Variants in ABHD14A observed in about 807,000 individuals in gnomAD.
The protein encoded by ABHD14A is protein ABHD14A.
In ABHD14A, 19 loss-of-function variants were observed where a neutral mutation model predicts 27.0. The ratio of observed to expected loss-of-function variants is 0.70; its 90% CI spans 0.49 to 1.03. ABHD14A has a LOEUF of 1.03. ABHD14A is among the 50% of genes least tolerant of loss of function. ABHD14A has a pLI of 0.00. For missense variants in ABHD14A, 311 were observed against 344.6 expected, an observed-to-expected ratio of 0.90 and a Z score of 0.77; for synonymous variants, 148 against 158.8, an observed-to-expected ratio of 0.93 and a Z score of 0.51.
In ABHD14A at chr3:51,977,930, G is replaced by A. The variant is rs1400764992; in HGVS notation, c.129G>A (p.Leu43=). ...TAGCCCTGCTGGGCCTGAGTCTGCT[G>A]CTCATGCTCCTACTGTATGTGGGGC... ...SQVALLGLSL[L]LMLLLYVGLP... is the part of the protein sequence containing the mutation. The change falls in exon 2 of 5, where the codon CTG becomes CTA. Residue 43 remains leucine, a synonymous_variant. Coordinates refer to ENST00000273596, the MANE Select transcript of ABHD14A (RefSeq NM_015407.5). 3.5e-5 allele frequency: 56 copies of A among 1,614,042 alleles called. No homozygotes were observed. Among genetic ancestry groups the A allele is most frequent in the Non-Finnish European group, 4.6e-5 (54 of 1,180,042 alleles).
At chr3:51,978,122 C>T (rs891246581) in intron 2 of ABHD14A, 40 bp downstream of exon 2, 33 of 1,588,186 alleles carry the variant, frequency 2.1e-5, no homozygotes, top group African/African-American at 2.7e-5. Flanking sequence ...GGACTAGGCT[C>T]AAGGGGAGTC....
chr3:51,978,362 C>T lies in ABHD14A; in HGVS notation c.385C>T (p.Leu129Phe), dbSNP rs1005605574. The T allele has an allele frequency of 5.2e-6, 8 of 1,551,264 alleles. No individual in the cohort carries two copies. The African/African-American group carries it at 8.2e-5, about 16-fold the overall frequency. Residue 129 changes from leucine to phenylalanine, a missense_variant, in exon 3 of 5, where the codon CTT becomes TTT. By Grantham distance (22) the Leu-to-Phe change is conservative. Transcript: ENST00000273596. ...ACAGAGGGGCTACCGGGCCGTGGCCCTTGACCTTCCAGGTGAGCACCCCCA... is the reference window on the plus strand; with the variant it reads ...ACAGAGGGGCTACCGGGCCGTGGCCTTTGACCTTCCAGGTGAGCACCCCCA... ...LSQRGYRAVA[L>F]DLPGFGNSAP... is the part of the protein sequence containing the mutation.
Position 51,980,431 on chromosome 3 carries a change from G to A in ABHD14A, c.436G>A (p.Glu146Lys), listed in dbSNP as rs1449172181. Residue 146 changes from glutamate to lysine, a missense_variant, in exon 4 of 5, where the codon GAG becomes AAG. Transcript: ENST00000273596. ...NSAPSKEAST[E>K]AGRAALLERA... ...GGCACCTTCAAAGGAGGCAAGCACA[G>A]AGGCAGGGCGGGCAGCGCTGCTGGA... 1 of 1,613,734 alleles carries A rather than the reference G, an allele frequency of 6.2e-7. No homozygotes were observed. The highest frequency in any genetic ancestry group is 2.2e-5 in the East Asian group (1 of 44,890).
Position 51,980,515 on chromosome 3 carries a change from G to A in ABHD14A, c.520G>A (p.Gly174Ser), listed in dbSNP as rs1373806361. The change falls in exon 4 of 5, where the codon GGC (glycine) becomes AGC (serine). Residue 174 changes from glycine to serine, a missense_variant. Gly to Ser is a moderately conservative substitution (Grantham distance 56). Coordinates refer to ENST00000273596, the MANE Select transcript of ABHD14A (RefSeq NM_015407.5). ...NAVLVSPSLS[G>S]HYALPFLMRG... is the part of the protein sequence containing the mutation. ...CGTGTTGGTGAGCCCCTCGCTGAGT[G>A]GCCACTATGCCCTGCCCTTCCTGAT... 1.9e-6 allele frequency: 3 copies of A among 1,613,934 alleles called. No homozygotes were observed. The highest frequency in any genetic ancestry group is 1.1e-5 in the South Asian group (1 of 91,082).
At chr3:51,978,506 TCTA>T in intron 3 of ABHD14A, 132 bp downstream of exon 3, 1 of 575,764 alleles carries the variant, frequency 1.7e-6, no homozygotes, top group South Asian at 3.1e-5. Context: ...GTTTTCATTT[TCTA>T]CTATGAAAAC....
chr3:51,978,232 C>G (rs1360068920), intron 2 of ABHD14A, 27 bp from the exon 3 acceptor site: 1 of 1,541,908 alleles, frequency 6.5e-7, no homozygotes, highest in Non-Finnish European at 8.8e-7. Context: ...AGGTTCCCAG[C>G]AAACACATTC....
intron 1 of ABHD14A, among the ~76,000 whole-genome samples, chr3:51,976,255 A>G (rs1026750303): frequency 6.6e-6 from 1 of 152,230 alleles, no homozygotes; most frequent in Non-Finnish European, 1.5e-5. Flanking sequence ...TGTGGCTCAC[A>G]AGCCCCCCGA....
intron 1 of ABHD14A, 83 bp from the exon 2 acceptor site, chr3:51,977,788 T>G (rs1700817092): frequency 7.6e-7 from 1 of 1,317,762 alleles, no homozygotes; most frequent in Non-Finnish European, 1.1e-6. Flanking sequence ...TGCTGGGGAC[T>G]CTGGGTGGGG....
chr3:51,980,039 C>T (rs1264886223), intron 3 of ABHD14A, among the ~76,000 whole-genome samples: 1 of 152,114 alleles, frequency 6.6e-6, no homozygotes, highest in Non-Finnish European at 1.5e-5. Flanking sequence ...TCTCCTGCCT[C>T]AGCCTCCTGC....
At chr3:51,975,296 C>A in intron 1 of ABHD14A, 92 bp downstream of exon 1, 1 of 1,169,600 alleles carries the variant, frequency 8.5e-7, no homozygotes, top group Non-Finnish European at 1.1e-6. Context: ...GGCAGAGTCC[C>A]GCGGAAGAAG....
chr3:51,978,729 T>G (rs1217418803), intron 3 of ABHD14A: 2 of 277,736 alleles, frequency 7.2e-6, no homozygotes, highest in Non-Finnish European at 1.5e-5. Flanking sequence ...GTAGCTGAGA[T>G]TACAGGTGAC....
chr3:51,978,141 G>A (rs1314698518), intron 2 of ABHD14A, 59 bp downstream of exon 2: 4 of 1,565,796 alleles, frequency 2.6e-6, no homozygotes, highest in Non-Finnish European at 3.5e-6. Flanking sequence ...TCCCTGTGTG[G>A]GACCCCCATT....
chr3:51,980,789 G>A (rs748414636), intron 4 of ABHD14A, 47 bp from the exon 5 acceptor site: 3 of 1,592,696 alleles, frequency 1.9e-6, no homozygotes, highest in Middle Eastern at 1.7e-4. Context: ...TTGGGGGTCA[G>A]AAACTCATCA....
chr3:51,975,259 A>G (rs1394076175), intron 1 of ABHD14A, 55 bp downstream of exon 1: 1 of 1,232,804 alleles, frequency 8.1e-7, no homozygotes, highest in African/African-American at 1.6e-5. Flanking sequence ...GGCCGTCTTT[A>G]CCCCGCCCCT....
chr3:51,977,491 C>T (rs1700810430), intron 1 of ABHD14A, among the ~76,000 whole-genome samples: 1 of 152,160 alleles, frequency 6.6e-6, no homozygotes, highest in East Asian at 1.9e-4. Context: ...CTATAAGAGA[C>T]CTATAATCAC....
intron 3 of ABHD14A, among the ~76,000 whole-genome samples, chr3:51,980,011 C>T (rs1700880234): frequency 1.3e-5 from 2 of 151,696 alleles, no homozygotes; most frequent in East Asian, 3.9e-4. Context: ...AGGCTCCGCC[C>T]CCCGGGGTTC....
intron 3 of ABHD14A, among the ~76,000 whole-genome samples, chr3:51,979,199 C>G (rs889956890): frequency 6.6e-6 from 1 of 152,158 alleles, no homozygotes; most frequent in Non-Finnish European, 1.5e-5. Flanking sequence ...CCATCTGTAG[C>G]TTGGTTTTCT....
intron 3 of ABHD14A, 92 bp downstream of exon 3, chr3:51,978,466 A>C (rs1411092953): frequency 1.2e-6 from 1 of 848,624 alleles, no homozygotes; most frequent in Non-Finnish European, 1.8e-6. Flanking sequence ...GGCAGGTCAC[A>C]ACATAAGGTG....
chr3:51,978,848 T>C, intron 3 of ABHD14A: 1 of 237,582 alleles, frequency 4.2e-6, no homozygotes, highest in South Asian at 3.7e-5. Flanking sequence ...TGCCTCGGCC[T>C]CCCCAAGTGC....
Sources: allele counts gnomAD v4.1 joint callset (sites outside exome capture counted in the v4.1 genomes callset), GRCh38; gene constraint gnomAD v4.1.1; transcripts MANE v1.5; gene names NCBI Gene and HGNC (gene_info 2026-07-23, HGNC 2026-07-21).